Variants in ACOT13 observed in about 807,000 individuals in gnomAD.
ACOT13 encodes the protein acyl-coenzyme A thioesterase 13.
A neutral mutation model predicts 11.8 loss-of-function variants in ACOT13; 10 were observed. That is an observed-to-expected ratio of 0.85 (90% CI 0.53 to 1.44). The LOEUF (loss-of-function observed/expected upper bound fraction) is 1.44, where lower values mean the gene tolerates loss of function less well. Among genes scored for constraint, ACOT13 ranks in the 40% most tolerant of loss-of-function variants. ACOT13 has a pLI of 0.00. For missense variants in ACOT13, 172 were observed against 174.1 expected (o/e 0.99, Z 0.07); for synonymous variants, 53 against 61.0 (o/e 0.87, Z 0.61).
chr6:24,681,888 A>G (rs1325804765), intron 1 of ACOT13, among the ~76,000 whole-genome samples: 1 of 152,164 alleles, frequency 6.6e-6, no homozygotes, highest in Non-Finnish European at 1.5e-5. Context: ...CGTGGTCAGG[A>G]CCCATGAGGT....
chr6:24,683,968 T>A, intron 1 of ACOT13, among the ~76,000 whole-genome samples: 1 of 151,530 alleles, frequency 6.6e-6, no homozygotes, highest in Non-Finnish European at 1.5e-5. Flanking sequence ...TTGAGTTAGT[T>A]AACCTAAGAA....
At chr6:24,676,155 C>T (rs1450479783) in intron 1 of ACOT13, among the ~76,000 whole-genome samples, 2 of 152,212 alleles carry the variant, frequency 1.3e-5, no homozygotes, top group East Asian at 1.9e-4. Flanking sequence ...AGTCAGGTAG[C>T]GTGATGCCTC....
chr6:24,684,549 A>ACCAGAAATACAGAGTTTC (rs60466800), intron 1 of ACOT13, among the ~76,000 whole-genome samples: 116,157 of 151,668 alleles, frequency 0.77, 45,216 homozygotes, highest in African/African-American at 0.9. Flanking sequence ...TGCCCGTTGA[A>ACCAGAAATACAGAGTTTC]CCAGAAGTTG....
intron 1 of ACOT13, among the ~76,000 whole-genome samples, chr6:24,674,047 G>A (rs1778405913): frequency 6.6e-6 from 1 of 151,816 alleles, no homozygotes; most frequent in Admixed American, 6.6e-5. Context: ...AATAAGTTTT[G>A]TGGGGTTTTT....
intron 1 of ACOT13, among the ~76,000 whole-genome samples, chr6:24,678,930 A>T (rs1028190664): frequency 6.6e-6 from 1 of 152,146 alleles, no homozygotes; most frequent in African/African-American, 2.4e-5. Flanking sequence ...TGTGAGGGTG[A>T]TGGCATGGGC....
intron 1 of ACOT13, among the ~76,000 whole-genome samples, chr6:24,678,124 G>A (rs889068723): frequency 6.6e-6 from 1 of 152,150 alleles, no homozygotes; most frequent in Admixed American, 6.5e-5. Context: ...ATAGATGGGC[G>A]CTATGCTTGA....
Position 24,688,054 on chromosome 6 carries a change from T to C in ACOT13, c.82-9829T>C, listed in dbSNP as rs189249941. Reference sequence around the variant, plus strand: ...TACTTACTATTAATAGAAAAACTTATAGATTTTGGACTGACTACAAAAGGG... The same window carrying C: ...TACTTACTATTAATAGAAAAACTTACAGATTTTGGACTGACTACAAAAGGG... On this transcript the variant is annotated intron_variant, in intron 1 of 2. Coordinates refer to ENST00000230048, the MANE Select transcript of ACOT13 (RefSeq NM_018473.4). 1.9e-3 allele frequency among the ~76,000 whole-genome samples: 283 copies of C among 152,214 alleles called. 3 individuals are homozygous for C. Among genetic ancestry groups the C allele is most frequent in the African/African-American group, 6.3e-3 (260 of 41,534 alleles).
At chr6:24,685,642 G>C (rs6932212) in intron 1 of ACOT13, among the ~76,000 whole-genome samples, 6 of 152,018 alleles carry the variant, frequency 3.9e-5, no homozygotes, top group African/African-American at 1.4e-4. Flanking sequence ...CACCGCGCCC[G>C]GCCCTTTTAC....
intron 1 of ACOT13, among the ~76,000 whole-genome samples, chr6:24,672,780 C>T (rs373430241): frequency 1.1e-4 from 17 of 152,290 alleles, no homozygotes; most frequent in Middle Eastern, 3.4e-3. Context: ...GTGCCTTTGA[C>T]GTTAATCATT....
At chr6:24,668,978 G>A (rs1778311852) in intron 1 of ACOT13, among the ~76,000 whole-genome samples, 3 of 152,180 alleles carry the variant, frequency 2.0e-5, no homozygotes, top group Admixed American at 2.0e-4. Flanking sequence ...TTTCAATTTA[G>A]TTCTAGGAAG....
intron 1 of ACOT13, among the ~76,000 whole-genome samples, chr6:24,685,332 CTTTTTTT>C (rs563020332): frequency 1.7e-5 from 2 of 116,784 alleles, no homozygotes; most frequent in Non-Finnish European, 3.6e-5. Flanking sequence ...TTTTACTGTA[CTTTTTTT>C]TTTTTTTTTT....
intron 1 of ACOT13, among the ~76,000 whole-genome samples, chr6:24,684,581 A>T (rs1778601505): frequency 1.2e-5 from 1 of 83,344 alleles, no homozygotes; most frequent in Non-Finnish European, 2.4e-5. Flanking sequence ...AAGTGTCCAG[A>T]TTAGTGCTAA....
At chr6:24,687,382 C>A (rs1291225814) in intron 1 of ACOT13, 7 of 1,154,630 alleles carry the variant, frequency 6.1e-6, no homozygotes, top group Non-Finnish European at 7.6e-6. Context: ...AAGTTAGTTG[C>A]CATTGAAACT....
At chr6:24,696,112 T>C (rs1778791437) in intron 1 of ACOT13, among the ~76,000 whole-genome samples, 1 of 152,176 alleles carries the variant, frequency 6.6e-6, no homozygotes, top group African/African-American at 2.4e-5. Flanking sequence ...ACAAAAATCC[T>C]GTTCTAAAAT....
chr6:24,680,948 T>G (rs1778538510), intron 1 of ACOT13, among the ~76,000 whole-genome samples: 1 of 152,266 alleles, frequency 6.6e-6, no homozygotes, highest in Non-Finnish European at 1.5e-5. Flanking sequence ...TATTAATTAC[T>G]GAATACCTAT....
At chr6:24,698,645 T>TG (rs1778838178) in intron 2 of ACOT13, among the ~76,000 whole-genome samples, 1 of 151,362 alleles carries the variant, frequency 6.6e-6, no homozygotes, top group South Asian at 2.1e-4. Context: ...TGCTGGGGTT[T>TG]TTTTTTTTTT....
At chr6:24,693,455 C>G (rs1778747237) in intron 1 of ACOT13, among the ~76,000 whole-genome samples, 1 of 152,180 alleles carries the variant, frequency 6.6e-6, no homozygotes, top group Non-Finnish European at 1.5e-5. Context: ...GTTTATCCCA[C>G]TGCTCAGCAG....
chr6:24,676,788 TTC>T (rs1419791754), intron 1 of ACOT13, among the ~76,000 whole-genome samples: 5 of 152,170 alleles, frequency 3.3e-5, no homozygotes, highest in Non-Finnish European at 7.4e-5. Context: ...TCCCTTTCCT[TTC>T]TGGTGACTCT....
At chr6:24,674,274 G>A (rs115578128) in intron 1 of ACOT13, among the ~76,000 whole-genome samples, 37 of 152,222 alleles carry the variant, frequency 2.4e-4, no homozygotes, top group African/African-American at 8.9e-4. Flanking sequence ...GATCAAGCTG[G>A]TCTTGAACTG....
Sources: gnomAD v4.1 joint callset for allele counts (sites outside exome capture counted in the v4.1 genomes callset) on GRCh38, gnomAD v4.1.1 for gene constraint, MANE v1.5 for transcripts, NCBI Gene and HGNC (gene_info 2026-07-23, HGNC 2026-07-21) for gene names.